Variants in GABPB1 observed in about 807,000 individuals in gnomAD.
The protein encoded by GABPB1 is GA-binding protein subunit beta-1.
In GABPB1, 15 loss-of-function variants were observed where a neutral mutation model predicts 45.9. The observed-to-expected ratio is 0.33, with a 90% CI of 0.22 to 0.50. The LOEUF (loss-of-function observed/expected upper bound fraction) is 0.50. Ranked by LOEUF, GABPB1 falls within the 20% of genes least tolerant of loss-of-function variation. The pLI, the probability that GABPB1 is intolerant of heterozygous loss-of-function variation, is 0.98. For missense variants in GABPB1, 252 were observed against 457.5 expected, an observed-to-expected ratio of 0.55 and a Z score of 4.10; for synonymous variants, 143 against 154.4, an observed-to-expected ratio of 0.93 and a Z score of 0.55.
intron 1 of GABPB1, among the ~76,000 whole-genome samples, chr15:50,329,425 A>G (rs1267479490): frequency 6.6e-6 from 1 of 152,204 alleles, no homozygotes; most frequent in Non-Finnish European, 1.5e-5. Flanking sequence ...CATTCACATA[A>G]AGACTTACTG....
Position 50,279,351 on chromosome 15 carries a change from T to C in GABPB1, c.1000-567A>G, listed in dbSNP as rs1248787056. 3.3e-5 allele frequency among the ~76,000 whole-genome samples: 5 copies of C among 152,196 alleles called. No individual in the cohort carries two copies. The South Asian group carries it at 1.0e-3, about 32-fold the overall frequency. ...TTTATAGGGTTCTAACATTACTGCT[T>C]TTAAAACTATTTTCATTTACAATAG... On this transcript the variant is annotated intron_variant, in intron 8 of 8. Transcript: ENST00000380877.
At chr15:50,284,247 T>A (rs1416874741) in intron 8 of GABPB1, among the ~76,000 whole-genome samples, 1 of 152,216 alleles carries the variant, frequency 6.6e-6, no homozygotes, top group Non-Finnish European at 1.5e-5. Flanking sequence ...GGTCATCTCT[T>A]CATTCTATAT....
intron 1 of GABPB1, among the ~76,000 whole-genome samples, chr15:50,339,027 T>A (rs1435956581): frequency 6.6e-6 from 1 of 151,572 alleles, no homozygotes; most frequent in African/African-American, 2.4e-5. Context: ...CAGCAGCTGG[T>A]TGTGGTGTTT....
intron 1 of GABPB1, among the ~76,000 whole-genome samples, chr15:50,346,846 G>GT (rs2048606208): frequency 6.7e-6 from 1 of 148,640 alleles, no homozygotes; most frequent in Admixed American, 6.7e-5. Flanking sequence ...GGAGTGCAGT[G>GT]GCGCCATCTC....
intron 8 of GABPB1, among the ~76,000 whole-genome samples, chr15:50,281,209 C>G (rs1401394401): frequency 6.6e-6 from 1 of 152,040 alleles, no homozygotes; most frequent in African/African-American, 2.4e-5. Context: ...ATAATTAACA[C>G]TATAATTTTT....
At chr15:50,287,181 A>C (rs2046192058) in intron 7 of GABPB1, among the ~76,000 whole-genome samples, 1 of 152,120 alleles carries the variant, frequency 6.6e-6, no homozygotes, top group South Asian at 2.1e-4. Context: ...TCACATGTAA[A>C]CTATATATTT....
intron 1 of GABPB1, chr15:50,353,724 A>G (rs1374341750): frequency 6.6e-6 from 1 of 151,848 alleles, no homozygotes; most frequent in Non-Finnish European, 1.5e-5. Flanking sequence ...TCTTTACATG[A>G]GATAAACTAT....
chr15:50,332,477 T>C lies in GABPB1; in HGVS notation c.-1+22508A>G, dbSNP rs116656897. Among the ~76,000 whole-genome samples the C allele has an allele frequency of 8.1e-3, 1,226 of 152,294 alleles. 16 individuals carry two copies. Among genetic ancestry groups the C allele is most frequent in the African/African-American group, 0.028 (1,182 of 41,574 alleles). Reference sequence around the variant, plus strand: ...ATAATTTTTTAAATCTTTTTTTAGATAATTGGGAAAATGTGAATACTAACT... The same window carrying C: ...ATAATTTTTTAAATCTTTTTTTAGACAATTGGGAAAATGTGAATACTAACT... On this transcript the variant is annotated intron_variant, in intron 1 of 8. Coordinates refer to ENST00000380877, the MANE Select transcript of GABPB1 (RefSeq NM_016654.5).
At chr15:50,348,730 C>G (rs775077927) in intron 1 of GABPB1, among the ~76,000 whole-genome samples, 5 of 151,872 alleles carry the variant, frequency 3.3e-5, no homozygotes, top group African/African-American at 1.2e-4. Flanking sequence ...GGCGTCGTGG[C>G]GCGCACCTGT....
At chr15:50,318,586 GGA>G (rs2047435486) in intron 1 of GABPB1, among the ~76,000 whole-genome samples, 2 of 152,076 alleles carry the variant, frequency 1.3e-5, no homozygotes, top group Admixed American at 6.6e-5. Context: ...ACATAGAATA[GGA>G]GAGAGTACCC....
At chr15:50,310,341 C>T (rs886744035) in intron 1 of GABPB1, among the ~76,000 whole-genome samples, 3 of 152,202 alleles carry the variant, frequency 2.0e-5, no homozygotes, top group Non-Finnish European at 4.4e-5. Context: ...GATCTGCCCG[C>T]CTTGGCCTCC....
intron 1 of GABPB1, among the ~76,000 whole-genome samples, chr15:50,334,973 T>C (rs2048070259): frequency 6.6e-6 from 1 of 152,196 alleles, no homozygotes; most frequent in African/African-American, 2.4e-5. Flanking sequence ...TACGTCTAGT[T>C]ATCTTTGACT....
chr15:50,340,873 CATATGTA>C (rs1233269798), intron 1 of GABPB1, among the ~76,000 whole-genome samples: 1 of 65,704 alleles, frequency 1.5e-5, no homozygotes, highest in South Asian at 4.6e-4. Flanking sequence ...GGTTTATTAC[CATATGTA>C]ATATTACATA....
chr15:50,310,175 C>G (rs2047082191), intron 1 of GABPB1, among the ~76,000 whole-genome samples: 1 of 152,180 alleles, frequency 6.6e-6, no homozygotes. Flanking sequence ...TCACTGCAAC[C>G]TCCGCCTCCT....
At chr15:50,306,132 C>T (rs1490574788) in intron 2 of GABPB1, among the ~76,000 whole-genome samples, 1 of 152,038 alleles carries the variant, frequency 6.6e-6, no homozygotes, top group East Asian at 1.9e-4. Context: ...AGCCACCATG[C>T]CTGACTAATT....
chr15:50,331,116 C>T, intron 1 of GABPB1, among the ~76,000 whole-genome samples: 1 of 152,218 alleles, frequency 6.6e-6, no homozygotes, highest in Non-Finnish European at 1.5e-5. Flanking sequence ...AAAACACCTT[C>T]TTGTCCTTGG....
intron 8 of GABPB1, among the ~76,000 whole-genome samples, chr15:50,282,560 G>GAAAAAAAAAAAAAA (rs552203074): frequency 0.15 from 13,063 of 87,608 alleles, 2,868 homozygotes; most frequent in Non-Finnish European, 0.23. Context: ...CCTTAAAAAA[G>GAAAAAAAAAAAAAA]AAAAAAAAAA....
chr15:50,313,199 C>T (rs971532898), intron 1 of GABPB1, among the ~76,000 whole-genome samples: 3 of 152,108 alleles, frequency 2.0e-5, no homozygotes, highest in African/African-American at 7.2e-5. Context: ...GGACCCAACA[C>T]ATCAATAGTT....
At chr15:50,353,153 A>C (rs1435411031) in intron 1 of GABPB1, 1 of 152,234 alleles carries the variant, frequency 6.6e-6, no homozygotes, top group African/African-American at 2.4e-5. Context: ...TAAATGTTTT[A>C]ATCACTTAAG....
Sources: gnomAD v4.1 joint callset for allele counts (sites outside exome capture counted in the v4.1 genomes callset) on GRCh38, gnomAD v4.1.1 for gene constraint, MANE v1.5 for transcripts, NCBI Gene and HGNC (gene_info 2026-07-23, HGNC 2026-07-21) for gene names.